Variants in GALNTL6 observed in about 807,000 individuals in gnomAD.
GALNTL6 encodes the protein polypeptide N-acetylgalactosaminyltransferase like 6.
In GALNTL6, 46 loss-of-function variants were observed where a neutral mutation model predicts 73.7. The ratio of observed to expected loss-of-function variants is 0.62; its 90% CI spans 0.49 to 0.80. The LOEUF is 0.80. GALNTL6 is among the 30% of genes least tolerant of loss of function. The probability of loss-of-function intolerance (pLI) is 0.00; values close to 1 mark genes in which losing one functional copy is unlikely to be tolerated. For synonymous variants in GALNTL6, 259 were observed against 263.7 expected (o/e 0.98, Z 0.17); for missense variants, 604 against 755.0 (o/e 0.80, Z 2.34).
chr4:171,901,661 A>C (rs1737098852), intron 2 of GALNTL6, among the ~76,000 whole-genome samples: 1 of 152,184 alleles, frequency 6.6e-6, no homozygotes, highest in South Asian at 2.1e-4. Context: ...CTGGAGCTGC[A>C]GATGTGAAGA....
At chr4:172,397,227 G>C (rs1453503144) in intron 5 of GALNTL6, among the ~76,000 whole-genome samples, 1 of 152,058 alleles carries the variant, frequency 6.6e-6, no homozygotes, top group Non-Finnish European at 1.5e-5. Context: ...ACTCTATTTG[G>C]GGTATTAATG....
intron 2 of GALNTL6, among the ~76,000 whole-genome samples, chr4:171,865,016 TGC>T (rs1473799202): frequency 2.0e-5 from 3 of 151,990 alleles, no homozygotes; most frequent in South Asian, 2.1e-4. Flanking sequence ...CATGGTGGTG[TGC>T]ACCTCTAATC....
chr4:172,809,569 C>A lies in GALNTL6; in HGVS notation c.739+23C>A, dbSNP rs775831318. Reference sequence around the variant, plus strand: ...TCAGTGAGTACAGGTTGCTAAGCACCATCCTGGGATGCCTCAGGGGAACTG... The same window carrying A: ...TCAGTGAGTACAGGTTGCTAAGCACAATCCTGGGATGCCTCAGGGGAACTG... On this transcript the variant is annotated intron_variant, in intron 6 of 12. Coordinates refer to ENST00000506823, the MANE Select transcript of GALNTL6 (RefSeq NM_001034845.3). This position sits in a 1 kb window ranked among gnomAD's most constrained non-coding sequence, Gnocchi z 4.4. 18 of 1,577,348 alleles carry A rather than the reference C, an allele frequency of 1.1e-5. No homozygotes were observed. Among genetic ancestry groups the A allele is most frequent in the Non-Finnish European group, 1.6e-5 (18 of 1,159,548 alleles).
intron 2 of GALNTL6, among the ~76,000 whole-genome samples, chr4:171,920,544 GA>G (rs1440602398): frequency 6.6e-6 from 1 of 152,020 alleles, no homozygotes; most frequent in Non-Finnish European, 1.5e-5. Flanking sequence ...ATATAAACAA[GA>G]AGAGTTTATT....
intron 5 of GALNTL6, among the ~76,000 whole-genome samples, chr4:172,795,119 C>A (rs890694546): frequency 6.6e-6 from 1 of 152,100 alleles, no homozygotes; most frequent in Non-Finnish European, 1.5e-5. Flanking sequence ...TGGAGAAAGG[C>A]GGAGATCAAA....
chr4:172,385,947 A>G (rs1224101767), intron 5 of GALNTL6, among the ~76,000 whole-genome samples: 1 of 152,084 alleles, frequency 6.6e-6, no homozygotes, highest in Non-Finnish European at 1.5e-5. Context: ...AGATTATAGT[A>G]GAAATTACAA....
At chr4:172,878,489 G>T (rs1025902527) in intron 7 of GALNTL6, among the ~76,000 whole-genome samples, 4 of 151,716 alleles carry the variant, frequency 2.6e-5, no homozygotes, top group Non-Finnish European at 5.9e-5. Flanking sequence ...CATAGGCTGG[G>T]GGAAGAGAAA....
intron 2 of GALNTL6, among the ~76,000 whole-genome samples, chr4:171,927,552 C>A (rs886352775): frequency 1.3e-5 from 2 of 152,066 alleles, no homozygotes; most frequent in East Asian, 3.9e-4. Context: ...ACATGCCAAC[C>A]AAAGTTCCTA....
intron 2 of GALNTL6, among the ~76,000 whole-genome samples, chr4:171,999,201 G>C (rs1289497562): frequency 6.6e-6 from 1 of 152,152 alleles, no homozygotes; most frequent in Non-Finnish European, 1.5e-5. Context: ...GTCAAACCTA[G>C]TCAATCCCCC....
intron 5 of GALNTL6, among the ~76,000 whole-genome samples, chr4:172,573,621 T>C (rs995488039): frequency 3.9e-5 from 6 of 152,168 alleles, no homozygotes; most frequent in African/African-American, 1.4e-4. Flanking sequence ...AGTCTTGATC[T>C]ATTCTTCTCC....
chr4:172,077,894 G>C (rs1731751230), intron 2 of GALNTL6, among the ~76,000 whole-genome samples: 1 of 152,138 alleles, frequency 6.6e-6, no homozygotes. Context: ...GCCAGGCCCA[G>C]GGCTCAGGGG....
chr4:172,422,961 C>T (rs1731102994), intron 5 of GALNTL6, among the ~76,000 whole-genome samples: 1 of 151,334 alleles, frequency 6.6e-6, no homozygotes, highest in South Asian at 2.1e-4. Flanking sequence ...AATTGACTTC[C>T]TGTTGTCTAC....
chr4:172,956,768 C>T (rs900013092), intron 10 of GALNTL6, among the ~76,000 whole-genome samples: 6 of 151,966 alleles, frequency 3.9e-5, no homozygotes, highest in African/African-American at 1.5e-4. Flanking sequence ...AAAGTATTGT[C>T]CAGTCCTTTT....
At chr4:172,838,709 T>C (rs1311258820) in intron 7 of GALNTL6, among the ~76,000 whole-genome samples, 4 of 152,074 alleles carry the variant, frequency 2.6e-5, no homozygotes, top group Admixed American at 2.6e-4. Context: ...CTTTCACCCC[T>C]CCCTACTTAC....
At chr4:172,551,936 C>A (rs1218771064) in intron 5 of GALNTL6, among the ~76,000 whole-genome samples, 4 of 151,848 alleles carry the variant, frequency 2.6e-5, no homozygotes, top group African/African-American at 4.8e-5. Flanking sequence ...AGAGTTTAAC[C>A]CAAGCTGATA....
chr4:172,709,518 T>C (rs1734563519), intron 5 of GALNTL6, among the ~76,000 whole-genome samples: 1 of 152,170 alleles, frequency 6.6e-6, no homozygotes, highest in African/African-American at 2.4e-5. Context: ...GAGCTCAGTC[T>C]GTGGATAAAA....
At chr4:172,692,107 A>G (rs920408686) in intron 5 of GALNTL6, among the ~76,000 whole-genome samples, 1 of 152,134 alleles carries the variant, frequency 6.6e-6, no homozygotes, top group Non-Finnish European at 1.5e-5. Context: ...GCAGAAAAAA[A>G]GACCAAAAAA....
intron 2 of GALNTL6, among the ~76,000 whole-genome samples, chr4:171,934,684 G>T (rs115497528): frequency 0.011 from 1,651 of 152,154 alleles, 30 homozygotes; most frequent in African/African-American, 0.038. Context: ...CCTAACTGTT[G>T]GGATTATGGG....
chr4:172,547,655 A>C (rs1016939804), intron 5 of GALNTL6, among the ~76,000 whole-genome samples: 1 of 152,126 alleles, frequency 6.6e-6, no homozygotes, highest in Non-Finnish European at 1.5e-5. Context: ...ATTCTCTAGA[A>C]CTAATGATGT....
Sources: allele counts gnomAD v4.1 joint callset (sites outside exome capture counted in the v4.1 genomes callset), GRCh38; gene constraint gnomAD v4.1.1; non-coding constraint Gnocchi (gnomAD v3.1); transcripts MANE v1.5; gene names NCBI Gene and HGNC (gene_info 2026-07-23, HGNC 2026-07-21).